The following PDIA5 variants were observed in gnomAD, a reference collection of about 807,000 sequenced individuals.
PDIA5 encodes protein disulfide-isomerase A5.
In PDIA5, 58 loss-of-function variants were observed where a neutral mutation model predicts 77.6. That is an observed-to-expected ratio of 0.75 (90% CI 0.61 to 0.93). The LOEUF (loss-of-function observed/expected upper bound fraction) is 0.93. PDIA5 is among the 40% of genes least tolerant of loss of function. The pLI is 0.00. For missense variants in PDIA5, 630 were observed against 647.7 expected (o/e 0.97, Z 0.30); for synonymous variants, 250 against 252.1 (o/e 0.99, Z 0.08).
At chr3:123,072,372 C>T (rs1017745747) in intron 1 of PDIA5, among the ~76,000 whole-genome samples, 2 of 152,138 alleles carry the variant, frequency 1.3e-5, no homozygotes, top group African/African-American at 4.8e-5. Context: ...GCGCTTGGCA[C>T]GTGAAAGTGC....
chr3:123,100,862 G>A lies in PDIA5; in HGVS notation c.258-1549G>A, dbSNP rs188043385. Among the ~76,000 whole-genome samples, 328 of 152,350 alleles carry A rather than the reference G, an allele frequency of 2.2e-3. 1 individual carries two copies. Among genetic ancestry groups the A allele is most frequent in the African/African-American group, 7.6e-3 (315 of 41,578 alleles). On this transcript the variant is annotated intron_variant, in intron 3 of 16. Coordinates refer to ENST00000316218, the MANE Select transcript of PDIA5 (RefSeq NM_006810.4). ...GCTGATGGCTGTTGGTGGAGGTGAG[G>A]CATGTAAGCAACTGGGGGATACAGC...
intron 1 of PDIA5, among the ~76,000 whole-genome samples, chr3:123,084,928 C>A (rs964977589): frequency 6.6e-6 from 1 of 152,138 alleles, no homozygotes; most frequent in African/African-American, 2.4e-5. Context: ...TGTGTTCATC[C>A]TTTCACTCCC....
chr3:123,134,720 C>T (rs1377439358), intron 11 of PDIA5, among the ~76,000 whole-genome samples: 1 of 152,222 alleles, frequency 6.6e-6, no homozygotes, highest in African/African-American at 2.4e-5. Flanking sequence ...TAAATGAGCC[C>T]AGGGCAGCCA....
intron 11 of PDIA5, among the ~76,000 whole-genome samples, chr3:123,141,240 C>T (rs956812946): frequency 6.6e-6 from 1 of 152,204 alleles, no homozygotes; most frequent in Non-Finnish European, 1.5e-5. Context: ...ACCATGGGCC[C>T]TGCCAGCAGC....
chr3:123,122,553 T>A (rs941897199), intron 8 of PDIA5, among the ~76,000 whole-genome samples: 1 of 152,166 alleles, frequency 6.6e-6, no homozygotes, highest in African/African-American at 2.4e-5. Flanking sequence ...CCCCTAGGAA[T>A]GGAGAGGCCA....
intron 11 of PDIA5, among the ~76,000 whole-genome samples, chr3:123,140,608 G>T (rs1389919400): frequency 8.4e-6 from 1 of 119,090 alleles, no homozygotes; most frequent in African/African-American, 3.9e-5. Context: ...ATCCATCAGA[G>T]CAGGGGCTGG....
At chr3:123,099,485 A>C (rs1424254755) in intron 3 of PDIA5, among the ~76,000 whole-genome samples, 1 of 152,156 alleles carries the variant, frequency 6.6e-6, no homozygotes, top group Non-Finnish European at 1.5e-5. Context: ...GAGAGAGTGC[A>C]GGGGATGGGG....
chr3:123,151,783 GCCTGCCTT>G (rs1203498864), intron 14 of PDIA5, among the ~76,000 whole-genome samples: 1 of 25,044 alleles, frequency 4.0e-5, no homozygotes, highest in Non-Finnish European at 8.7e-5. Flanking sequence ...TGCCTGCCTG[GCCTGCCTT>G]CCTGCCTGCC....
At chr3:123,086,351 T>C (rs1316989209) in intron 1 of PDIA5, among the ~76,000 whole-genome samples, 1 of 152,130 alleles carries the variant, frequency 6.6e-6, no homozygotes, top group Non-Finnish European at 1.5e-5. Flanking sequence ...AAAGGTTGAG[T>C]GACATTGGCT....
chr3:123,114,324 T>C (rs570137561), intron 7 of PDIA5, among the ~76,000 whole-genome samples: 42 of 152,228 alleles, frequency 2.8e-4, no homozygotes, highest in African/African-American at 9.2e-4. Flanking sequence ...CGACATCCTC[T>C]TCCCTCAGTG....
chr3:123,131,538 T>C (rs1358161737), intron 11 of PDIA5, among the ~76,000 whole-genome samples: 4 of 150,214 alleles, frequency 2.7e-5, no homozygotes, highest in African/African-American at 7.4e-5. Flanking sequence ...CAGGAGAGCC[T>C]GTGCTTGCCC....
At chr3:123,083,341 A>G (rs1488567439) in intron 1 of PDIA5, among the ~76,000 whole-genome samples, 2 of 152,204 alleles carry the variant, frequency 1.3e-5, no homozygotes, top group Non-Finnish European at 2.9e-5. Flanking sequence ...ATTTCCCAGC[A>G]GCAGAAAAGG....
At chr3:123,119,696 C>T (rs1020131189) in intron 8 of PDIA5, among the ~76,000 whole-genome samples, 5 of 152,194 alleles carry the variant, frequency 3.3e-5, no homozygotes, top group Admixed American at 3.3e-4. Context: ...TCTTCACACA[C>T]AGAAAAGAGG....
intron 1 of PDIA5, among the ~76,000 whole-genome samples, chr3:123,085,841 G>T (rs1332829821): frequency 1.3e-5 from 2 of 152,212 alleles, no homozygotes; most frequent in African/African-American, 2.4e-5. Flanking sequence ...CAGCAGTGAG[G>T]CAATGTGTTT....
At chr3:123,095,715 C>T (rs1398837444) in intron 3 of PDIA5, among the ~76,000 whole-genome samples, 1 of 148,226 alleles carries the variant, frequency 6.7e-6, no homozygotes, top group East Asian at 2.0e-4. Flanking sequence ...CGCCATCGCA[C>T]TCCAGCTTGG....
intron 1 of PDIA5, among the ~76,000 whole-genome samples, chr3:123,074,557 G>A (rs1933802018): frequency 1.3e-5 from 2 of 152,168 alleles, no homozygotes; most frequent in African/African-American, 4.8e-5. Context: ...CATATAAAAA[G>A]ATCAAAGGTA....
At chr3:123,136,355 C>T (rs978523002) in intron 11 of PDIA5, among the ~76,000 whole-genome samples, 1 of 152,222 alleles carries the variant, frequency 6.6e-6, no homozygotes, top group African/African-American at 2.4e-5. Flanking sequence ...ATCCCTCACT[C>T]TCCACGCCGT....
At chr3:123,097,026 T>C (rs1576440927) in intron 3 of PDIA5, among the ~76,000 whole-genome samples, 1 of 152,334 alleles carries the variant, frequency 6.6e-6, no homozygotes, top group Admixed American at 6.5e-5. Context: ...CTTAACCACA[T>C]CTGCTTTCTT....
intron 6 of PDIA5, among the ~76,000 whole-genome samples, chr3:123,108,439 C>G (rs1465395882): frequency 6.6e-6 from 1 of 151,488 alleles, no homozygotes; most frequent in East Asian, 2.0e-4. Flanking sequence ...TGCCACCATG[C>G]CTGGTTAATT....
Sources: allele counts gnomAD v4.1 joint callset (sites outside exome capture counted in the v4.1 genomes callset), GRCh38; gene constraint gnomAD v4.1.1; transcripts MANE v1.5; gene names NCBI Gene and HGNC (gene_info 2026-07-23, HGNC 2026-07-21).